The following TMTC2 variants were observed in gnomAD, a reference collection of about 807,000 sequenced individuals.
TMTC2 encodes transmembrane O-mannosyltransferase targeting cadherins 2, also known as protein O-mannosyl-transferase TMTC2.
In TMTC2, 43 loss-of-function variants were observed where a neutral mutation model predicts 82.4. That is an observed-to-expected ratio of 0.52 (90% CI 0.41 to 0.67). The LOEUF (loss-of-function observed/expected upper bound fraction) is 0.67, where lower values mean the gene tolerates loss of function less well. Ranked by LOEUF, TMTC2 falls within the 30% of genes least tolerant of loss-of-function variation. The pLI, the probability that TMTC2 is intolerant of heterozygous loss-of-function variation, is 0.00. For synonymous variants in TMTC2, 408 were observed against 381.9 expected, an observed-to-expected ratio of 1.07 and a Z score of -0.80; for missense variants, 919 against 1,012.4, an observed-to-expected ratio of 0.91 and a Z score of 1.25.
At chr12:83,030,677 T>A (rs972512615) in intron 8 of TMTC2, 121 bp from the exon 9 acceptor site, 11 of 664,558 alleles carry the variant, frequency 1.7e-5, no homozygotes, top group African/African-American at 5.5e-5. Context: ...AAAACAAAAA[T>A]TTTTTTTTTC....
intron 3 of TMTC2, among the ~76,000 whole-genome samples, chr12:82,898,413 G>C (rs113439402): frequency 2.0e-5 from 3 of 152,286 alleles, no homozygotes; most frequent in African/African-American, 7.2e-5. Flanking sequence ...CATATTATTT[G>C]CATCACAGTG....
At chr12:83,095,586 C>T (rs1884003614) in intron 11 of TMTC2, among the ~76,000 whole-genome samples, 1 of 152,026 alleles carries the variant, frequency 6.6e-6, no homozygotes, top group South Asian at 2.1e-4. Flanking sequence ...GTTGCTATAT[C>T]CCGAGACGGG....
At chr12:83,068,432 C>T (rs965766465) in intron 11 of TMTC2, among the ~76,000 whole-genome samples, 2 of 151,996 alleles carry the variant, frequency 1.3e-5, no homozygotes, top group Non-Finnish European at 2.9e-5. Flanking sequence ...AAAAAAATGA[C>T]AAGATTAATA....
intron 1 of TMTC2, among the ~76,000 whole-genome samples, chr12:82,797,975 T>TCACCC (rs980379215): frequency 1.4e-5 from 2 of 144,572 alleles, no homozygotes; most frequent in Non-Finnish European, 3.0e-5. Flanking sequence ...TCCCTCTCTG[T>TCACCC]CACCCAGGGT....
At chr12:82,978,980 T>G (rs1175823670) in intron 7 of TMTC2, among the ~76,000 whole-genome samples, 1 of 151,918 alleles carries the variant, frequency 6.6e-6, no homozygotes, top group Non-Finnish European at 1.5e-5. Flanking sequence ...AAATCTGTTT[T>G]GTCTGGTGTA....
At chr12:82,949,254 C>G (rs1451614704) in intron 4 of TMTC2, among the ~76,000 whole-genome samples, 1 of 152,132 alleles carries the variant, frequency 6.6e-6, no homozygotes, top group Non-Finnish European at 1.5e-5. Context: ...GATAGTAAAT[C>G]AGTATATAGG....
At chr12:82,831,669 A>T (rs1354853696) in intron 1 of TMTC2, among the ~76,000 whole-genome samples, 1 of 152,046 alleles carries the variant, frequency 6.6e-6, no homozygotes, top group Non-Finnish European at 1.5e-5. Flanking sequence ...AAATCAGATT[A>T]TTGGTGGTGG....
Position 82,817,367 on chromosome 12 carries a change from C to T in TMTC2, c.84-39643C>T, listed in dbSNP as rs535185538. Among the ~76,000 whole-genome samples the T allele has an allele frequency of 3.3e-5, 5 of 152,128 alleles. No individual in the cohort carries two copies. In the East Asian group the frequency reaches 9.6e-4, roughly 29 times the overall value. On this transcript the variant is annotated intron_variant, in intron 1 of 11. Coordinates refer to ENST00000321196, the MANE Select transcript of TMTC2 (RefSeq NM_152588.3). ...AGATTTTTTCTACCTTTTCCTAAAG[C>T]CATTTTGTGTTTATTTTATTGTTAT...
At chr12:82,793,062 A>C (rs774932404) in intron 1 of TMTC2, among the ~76,000 whole-genome samples, 1 of 152,132 alleles carries the variant, frequency 6.6e-6, no homozygotes, top group Non-Finnish European at 1.5e-5. Flanking sequence ...GATAGAATGA[A>C]TACACACATA....
At chr12:82,701,031 A>G (rs112712799) in intron 1 of TMTC2, among the ~76,000 whole-genome samples, 4,957 of 152,222 alleles carry the variant, frequency 0.033, 184 homozygotes, top group East Asian at 0.12. Context: ...ACCTGCCCCC[A>G]TGATTCAATT....
chr12:82,816,119 A>AT (rs1868699456), intron 1 of TMTC2, among the ~76,000 whole-genome samples: 1 of 151,228 alleles, frequency 6.6e-6, no homozygotes, highest in Admixed American at 6.6e-5. Context: ...CAATTTACAA[A>AT]TTTTTGTTGA....
chr12:82,744,043 C>T (rs896511232), intron 1 of TMTC2, among the ~76,000 whole-genome samples: 2 of 151,950 alleles, frequency 1.3e-5, no homozygotes, highest in Non-Finnish European at 2.9e-5. Flanking sequence ...GGAGGCCAGG[C>T]GGGAGGATCG....
chr12:82,732,079 A>C (rs1874843851), intron 1 of TMTC2, among the ~76,000 whole-genome samples: 1 of 152,238 alleles, frequency 6.6e-6, no homozygotes, highest in Non-Finnish European at 1.5e-5. Flanking sequence ...TTTGGAAACT[A>C]AGAATTGTTA....
chr12:82,951,327 T>A (rs774166740), intron 4 of TMTC2, among the ~76,000 whole-genome samples: 1 of 152,054 alleles, frequency 6.6e-6, no homozygotes, highest in Non-Finnish European at 1.5e-5. Flanking sequence ...AGTCTCGCTC[T>A]GTCGCTAGGC....
At chr12:82,844,947 GC>G (rs1428615436) in intron 1 of TMTC2, among the ~76,000 whole-genome samples, 1 of 151,666 alleles carries the variant, frequency 6.6e-6, no homozygotes. Flanking sequence ...ACTGTAAGGG[GC>G]CGGGTGCGGT....
rs1873671358 is a variant in TMTC2, at chr12:82,896,208, G to A, written c.1045G>A (p.Ala349Thr). ...AACTGTAACAAATGGCAAGCAGAAT[G>A]CAAATGGACATAGCTGCCTTTCAGA... ...GKTVTNGKQN[A>T]NGHSCLSDVE... The change falls in exon 3 of 12, where the codon GCA becomes ACA. Residue 349 changes from alanine to threonine, a missense_variant. By Grantham distance (58) the Ala-to-Thr change is moderately conservative. Transcript: ENST00000321196. 10 of 1,613,892 alleles carry A rather than the reference G, an allele frequency of 6.2e-6. No individual in the cohort carries two copies. In the Admixed American group the frequency reaches 1.0e-4, roughly 16 times the overall value.
intron 11 of TMTC2, among the ~76,000 whole-genome samples, chr12:83,062,680 T>C (rs549021685): frequency 6.6e-6 from 1 of 151,916 alleles, no homozygotes; most frequent in South Asian, 2.1e-4. Flanking sequence ...TGCTTTGTGG[T>C]AGAATACAGA....
chr12:83,109,883 A>T (rs1405160754), intron 11 of TMTC2, among the ~76,000 whole-genome samples: 1 of 152,146 alleles, frequency 6.6e-6, no homozygotes, highest in Non-Finnish European at 1.5e-5. Flanking sequence ...TCTTTATTTT[A>T]TGGATTTAAT....
chr12:82,925,283 C>A (rs952301535), intron 3 of TMTC2, among the ~76,000 whole-genome samples: 5 of 152,172 alleles, frequency 3.3e-5, no homozygotes, highest in South Asian at 2.1e-4. Context: ...CCAGCATAAG[C>A]TCACATGGGT....
Sources: gnomAD v4.1 joint callset for allele counts (sites outside exome capture counted in the v4.1 genomes callset) on GRCh38, gnomAD v4.1.1 for gene constraint, MANE v1.5 for transcripts, NCBI Gene and HGNC (gene_info 2026-07-23, HGNC 2026-07-21) for gene names.